The following PCSK5 variants were observed in gnomAD, a reference collection of about 807,000 sequenced individuals.
The protein encoded by PCSK5 is prohormone convertase 5.
Under a neutral mutation model 233.2 loss-of-function variants are expected in PCSK5, and 129 were observed. The observed-to-expected ratio is 0.55, with a 90% CI of 0.48 to 0.64. The LOEUF (loss-of-function observed/expected upper bound fraction) is 0.64. Ranked by LOEUF, PCSK5 falls within the 30% of genes least tolerant of loss-of-function variation. The pLI, the probability that PCSK5 is intolerant of heterozygous loss-of-function variation, is 0.00. For synonymous variants in PCSK5, 825 were observed against 879.2 expected (o/e 0.94, Z 1.09); for missense variants, 2,076 against 2,430.1 (o/e 0.85, Z 3.06).
At chr9:76,123,396 A>G (rs939035063) in intron 9 of PCSK5, among the ~76,000 whole-genome samples, 5 of 152,212 alleles carry the variant, frequency 3.3e-5, no homozygotes, top group African/African-American at 4.8e-5. Flanking sequence ...ATAGTTGTAA[A>G]TAAAGCCATA....
At chr9:76,104,075 G>A (rs1447549643) in intron 8 of PCSK5, among the ~76,000 whole-genome samples, 1 of 152,118 alleles carries the variant, frequency 6.6e-6, no homozygotes, top group Non-Finnish European at 1.5e-5. Flanking sequence ...TATTCCATGT[G>A]GTTCCAGTTT....
chr9:75,948,214 G>A (rs537175193), intron 2 of PCSK5, among the ~76,000 whole-genome samples: 2 of 152,058 alleles, frequency 1.3e-5, no homozygotes, highest in African/African-American at 4.8e-5. Context: ...ACAACATGCA[G>A]GTTTGTTACA....
intron 10 of PCSK5, among the ~76,000 whole-genome samples, chr9:76,154,336 G>A (rs1564066060): frequency 6.6e-6 from 1 of 152,256 alleles, no homozygotes; most frequent in East Asian, 1.9e-4. Flanking sequence ...AAAGTCTCAA[G>A]GTGCTTTTCT....
chr9:76,041,613 G>A (rs189265721), intron 5 of PCSK5, among the ~76,000 whole-genome samples: 19 of 151,868 alleles, frequency 1.3e-4, no homozygotes, highest in South Asian at 4.2e-4. Flanking sequence ...AGGCCAAGGC[G>A]GGCGGATCAC....
intron 7 of PCSK5, among the ~76,000 whole-genome samples, chr9:76,086,292 A>AT (rs966973122): frequency 6.6e-6 from 1 of 152,216 alleles, no homozygotes; most frequent in African/African-American, 2.4e-5. Flanking sequence ...CAGAGAGCAT[A>AT]TGAAATATAC....
intron 24 of PCSK5, among the ~76,000 whole-genome samples, chr9:76,267,142 T>G (rs1225611017): frequency 6.6e-6 from 1 of 152,150 alleles, no homozygotes; most frequent in Admixed American, 6.5e-5. Context: ...GGCATCCCAG[T>G]GCAAGGCTAA....
rs761511361 is a variant in PCSK5, at chr9:76,134,263, C to T, written c.1312+51C>T. The T allele has an allele frequency of 4.2e-6, 5 of 1,195,572 alleles. No individual in the cohort carries two copies. In the Admixed American group the frequency reaches 6.4e-5, roughly 15 times the overall value. 74.1% of individuals were successfully genotyped at this position (1,195,572 alleles called of 1,614,324 possible). ...ACAGGCAAAATATTTTTATTTTTCCCCCATTTTAAATGGAGAGCAGGAAAC... is the reference window on the plus strand; with the variant it reads ...ACAGGCAAAATATTTTTATTTTTCCTCCATTTTAAATGGAGAGCAGGAAAC... On this transcript the variant is annotated intron_variant, in intron 10 of 37. Transcript: ENST00000674117.
chr9:76,126,155 GTTGA>G (rs1412228516), intron 9 of PCSK5, among the ~76,000 whole-genome samples: 1 of 133,666 alleles, frequency 7.5e-6, no homozygotes, highest in Non-Finnish European at 1.6e-5. Context: ...GTTAGTCTTT[GTTGA>G]TTTTTTCCTG....
chr9:75,935,600 T>C (rs1824021202), intron 2 of PCSK5, among the ~76,000 whole-genome samples: 1 of 152,234 alleles, frequency 6.6e-6, no homozygotes. Context: ...TTGCCTCTTT[T>C]CAGGGCCAGG....
At chr9:76,247,862 G>C (rs926659539) in intron 24 of PCSK5, among the ~76,000 whole-genome samples, 5 of 151,520 alleles carry the variant, frequency 3.3e-5, no homozygotes, top group African/African-American at 1.2e-4. Context: ...TTGGCTCACT[G>C]CAACCTCCGC....
intron 35 of PCSK5, among the ~76,000 whole-genome samples, chr9:76,350,285 GA>G (rs1458456729): frequency 6.6e-6 from 1 of 151,814 alleles, no homozygotes; most frequent in Non-Finnish European, 1.5e-5. Context: ...AAATTTCTGA[GA>G]AGAGAACTTA....
chr9:76,143,644 C>G (rs539221289), intron 10 of PCSK5, among the ~76,000 whole-genome samples: 5 of 151,284 alleles, frequency 3.3e-5, no homozygotes, highest in African/African-American at 4.9e-5. Context: ...AGACATTCAG[C>G]GACATTTTTT....
intron 24 of PCSK5, among the ~76,000 whole-genome samples, chr9:76,274,910 G>T (rs886398466): frequency 2.0e-5 from 3 of 152,078 alleles, no homozygotes; most frequent in Non-Finnish European, 4.4e-5. Context: ...ATGGTGGAAG[G>T]GGGAGAAAGC....
At position 76,345,498 on chromosome 9, in the gene PCSK5, A is replaced by C. The variant is rs1310471018; in HGVS notation, c.4967-5330A>C. Among the ~76,000 whole-genome samples the C allele has an allele frequency of 3.3e-5, 5 of 152,116 alleles. No homozygotes were observed. The East Asian group carries it at 9.6e-4, about 29-fold the overall frequency. ...CAGTGGCGCAATCTTGGTTTACGGC[A>C]AGCTCTGCCTCCCGGGTTCACGCTA... On this transcript the variant is annotated intron_variant, in intron 35 of 37. Coordinates refer to ENST00000674117, the MANE Select transcript of PCSK5 (RefSeq NM_001372043.1).
At position 76,181,378 on chromosome 9, in the gene PCSK5, CTTA is replaced by C. The variant is rs1823865809; in HGVS notation, c.2004-17_2004-15del. On this transcript the variant is annotated splice_polypyrimidine_tract_variant and intron_variant, in intron 15 of 37. Coordinates refer to ENST00000674117, the MANE Select transcript of PCSK5 (RefSeq NM_001372043.1). ...GTTTGCTCATGACGCTGCCTTCTTT[CTTA>C]TTGTTTCACAATGCAGGATCTGTGT... 2 of 1,603,372 alleles carry C rather than the reference CTTA, an allele frequency of 1.2e-6. No homozygotes were observed. The highest frequency in any genetic ancestry group is 2.2e-5 in the East Asian group (1 of 44,534).
At chr9:76,165,748 G>T (rs1376673522) in intron 12 of PCSK5, among the ~76,000 whole-genome samples, 1 of 152,218 alleles carries the variant, frequency 6.6e-6, no homozygotes, top group Non-Finnish European at 1.5e-5. Context: ...TAGGCTTTCA[G>T]CACACTGGCT....
intron 24 of PCSK5, among the ~76,000 whole-genome samples, chr9:76,288,813 ATTC>A (rs1314338180): frequency 2.0e-5 from 3 of 152,138 alleles, no homozygotes; most frequent in South Asian, 2.1e-4. Context: ...ATAAAAATAA[ATTC>A]TTCTTCTCTA....
chr9:75,928,027 T>C (rs2131270724), intron 1 of PCSK5, among the ~76,000 whole-genome samples: 1 of 152,282 alleles, frequency 6.6e-6, no homozygotes, highest in East Asian at 1.9e-4. Context: ...CGGGCTATCA[T>C]TCAGGAAGAA....
chr9:75,948,765 C>A (rs1459288224), intron 2 of PCSK5, among the ~76,000 whole-genome samples: 4 of 152,080 alleles, frequency 2.6e-5, no homozygotes, highest in Non-Finnish European at 5.9e-5. Flanking sequence ...GAACTAATTT[C>A]CACTCCCACC....
Sources: gnomAD v4.1 joint callset for allele counts (sites outside exome capture counted in the v4.1 genomes callset) on GRCh38, gnomAD v4.1.1 for gene constraint, MANE v1.5 for transcripts, NCBI Gene and HGNC (gene_info 2026-07-23, HGNC 2026-07-21) for gene names.